The following NPHP4 variants were observed in gnomAD, a reference collection of about 807,000 sequenced individuals.
NPHP4 encodes the protein nephrocystin-4.
NPHP4 carries 151 observed loss-of-function variants against 155.8 expected under a neutral mutation model. The ratio of observed to expected loss-of-function variants is 0.97; its 90% CI spans 0.85 to 1.11. The LOEUF (loss-of-function observed/expected upper bound fraction) is 1.11. Ranked by LOEUF, NPHP4 falls within the 50% of genes least tolerant of loss-of-function variation. The pLI is 0.00. For missense variants in NPHP4, 1,956 were observed against 1,925.7 expected (o/e 1.02, Z -0.29); for synonymous variants, 845 against 816.8 (o/e 1.03, Z -0.59).
Position 5,945,909 on chromosome 1 carries a change from C to CA in NPHP4, c.1119+1194_1119+1195insT, listed in dbSNP as rs926604362. Among the ~76,000 whole-genome samples, 7 of 152,138 alleles carry CA rather than the reference C, an allele frequency of 4.6e-5. No individual in the cohort carries two copies. The East Asian group carries it at 1.2e-3, about 25-fold the overall frequency. ...GTGATTAGATCTGGCATTGTCCCCC[C>CA]CCAGGGCGTGAATCATCCCTCCGTC... is the stretch of plus-strand genomic sequence containing the variant. On this transcript the variant is annotated intron_variant, in intron 9 of 29. Transcript: ENST00000378156.
At chr1:5,969,700 C>T (rs181017065) in intron 3 of NPHP4, among the ~76,000 whole-genome samples, 6 of 152,348 alleles carry the variant, frequency 3.9e-5, no homozygotes, top group Non-Finnish European at 5.9e-5. Flanking sequence ...TAAAAAGACA[C>T]GCACGTGCTG....
intron 2 of NPHP4, among the ~76,000 whole-genome samples, chr1:5,982,442 CG>C (rs1221280814): frequency 6.6e-6 from 1 of 152,176 alleles, no homozygotes; most frequent in Non-Finnish European, 1.5e-5. Context: ...TCTAGGTTTA[CG>C]TAAGTACATC....
rs143353855 is a variant in NPHP4, at chr1:5,890,009, ACCC to A, written c.2304+856_2304+858del. ...GAAGAGCAGCTGGAAAAACTCCCAT[ACCC>A]CATCCCCCCACCCCGAGAGCACAGC... On this transcript the variant is annotated intron_variant, in intron 17 of 29. Transcript: ENST00000378156. This position sits in a 1 kb window ranked among gnomAD's most constrained non-coding sequence, Gnocchi z 4.9. Among the ~76,000 whole-genome samples, 533 of 151,800 alleles carry A rather than the reference ACCC, an allele frequency of 3.5e-3. 3 individuals are homozygous for A. The highest frequency in any genetic ancestry group is 0.011 in the African/African-American group (446 of 41,358).
At chr1:5,870,944 T>G (rs1372564352) in intron 23 of NPHP4, among the ~76,000 whole-genome samples, 1 of 152,212 alleles carries the variant, frequency 6.6e-6, no homozygotes, top group African/African-American at 2.4e-5. Flanking sequence ...CTGGGACATT[T>G]GTGAATGTGA....
At chr1:5,936,549 T>C (rs1473297833) in intron 9 of NPHP4, among the ~76,000 whole-genome samples, 1 of 151,226 alleles carries the variant, frequency 6.6e-6, no homozygotes, top group Non-Finnish European at 1.5e-5. Flanking sequence ...ATACACCGAA[T>C]TGCTCCCATT....
intron 19 of NPHP4, among the ~76,000 whole-genome samples, chr1:5,878,520 TAC>T (rs1452717072): frequency 6.6e-6 from 1 of 152,164 alleles, no homozygotes; most frequent in Non-Finnish European, 1.5e-5. Context: ...GAAAGAAAGT[TAC>T]AGAGTGACCG....
intron 9 of NPHP4, among the ~76,000 whole-genome samples, chr1:5,934,273 G>A (rs1646423461): frequency 6.6e-6 from 1 of 152,130 alleles, no homozygotes; most frequent in Non-Finnish European, 1.5e-5. Flanking sequence ...TGGGGTACAG[G>A]CAACAGCGGG....
At chr1:5,947,081 G>A (rs202005525) in intron 9 of NPHP4, 23 bp downstream of exon 9, 9 of 1,613,552 alleles carry the variant, frequency 5.6e-6, no homozygotes, top group African/African-American at 2.7e-5. Flanking sequence ...AGAGGAAACC[G>A]AGTGCAAAAG....
chr1:5,868,532 A>C (rs770954335), intron 23 of NPHP4, among the ~76,000 whole-genome samples: 2 of 151,996 alleles, frequency 1.3e-5, no homozygotes, highest in African/African-American at 2.4e-5. Context: ...ACACGCACCC[A>C]CACACACGCA....
Position 5,863,901 on chromosome 1 carries a change from C to A in NPHP4, c.4129G>T (p.Asp1377Tyr). 1 of 1,613,884 alleles carries A rather than the reference C, an allele frequency of 6.2e-7. No individual in the cohort carries two copies. Among genetic ancestry groups the A allele is most frequent in the Non-Finnish European group, 8.5e-7 (1 of 1,179,858 alleles). The change falls in exon 29 of 30, where the codon GAC becomes TAC. Residue 1377 changes from aspartate (D) to tyrosine (Y), a missense_variant. Physicochemically the swap from Asp to Tyr is radical, Grantham distance 160. Coordinates refer to ENST00000378156, the MANE Select transcript of NPHP4 (RefSeq NM_015102.5). ...CAGCCCCACCACACCTGGAAGGAGT[C>A]CTCTCTGAACCGCAGCAGCTCCGGG... Reference protein sequence around the residue: ...DHPELLRFREDSFQVGGGETY... With the variant: ...DHPELLRFREYSFQVGGGETY...
intron 11 of NPHP4, among the ~76,000 whole-genome samples, chr1:5,926,089 T>C (rs980458626): frequency 3.3e-5 from 5 of 152,150 alleles, no homozygotes; most frequent in Non-Finnish European, 5.9e-5. Flanking sequence ...CAAGGGATTC[T>C]AGTACAAGGG....
Position 5,867,627 on chromosome 1 carries a change from C to T in NPHP4, c.3472+113G>A, listed in dbSNP as rs945299202. On this transcript the variant is annotated intron_variant, in intron 24 of 29. Transcript: ENST00000378156. The surrounding 1 kb of genome is among the most constrained non-coding windows in gnomAD (Gnocchi z 4.1). ...AGAATTCCCCAGGCCCCACGTGCTG[C>T]TCTGACAGCACCAGGGCATGAAGCC... 8.8e-6 allele frequency: 10 copies of T among 1,138,388 alleles called. No homozygotes were observed. In the African/African-American group the frequency reaches 1.4e-4, roughly 16 times the overall value. The allele number at this position is 1,138,388 out of a possible 1,614,324, so 70.5% of individuals were successfully genotyped here. A position where few individuals can be genotyped will look rare whatever the true frequency, so the allele number is the denominator to read the frequency against.
At chr1:5,887,847 C>T (rs1643902245) in intron 17 of NPHP4, among the ~76,000 whole-genome samples, 1 of 152,198 alleles carries the variant, frequency 6.6e-6, no homozygotes, top group Non-Finnish European at 1.5e-5. Flanking sequence ...GACTCTTAGC[C>T]AAGCGTGTCT....
rs1195440031 is a variant in NPHP4 at position 5,944,301 on chromosome 1, G to T, written c.1119+2803C>A. Among the ~76,000 whole-genome samples the T allele has an allele frequency of 6.6e-6, 1 of 152,194 alleles. No homozygotes were observed. Among genetic ancestry groups the T allele is most frequent in the Non-Finnish European group, 1.5e-5 (1 of 68,036 alleles). ...CAGCCGGAAGGCACAACCACACCCA[G>T]CTGAAAAAATCCCCACCCAGCTGAA... On this transcript the variant is annotated intron_variant, in intron 9 of 29. Transcript: ENST00000378156. The surrounding 1 kb of genome is among the most constrained non-coding windows in gnomAD (Gnocchi z 4.3).
chr1:5,938,565 C>A (rs1646665974), intron 9 of NPHP4, among the ~76,000 whole-genome samples: 1 of 152,232 alleles, frequency 6.6e-6, no homozygotes, highest in Non-Finnish European at 1.5e-5. Flanking sequence ...GGAAAGGAAT[C>A]CTAACCACAG....
Position 5,867,329 on chromosome 1 carries a change from G to A in NPHP4, c.3473-214C>T, listed in dbSNP as rs538109780. 47 of 568,130 alleles carry A rather than the reference G, an allele frequency of 8.3e-5. No individual in the cohort carries two copies. Among genetic ancestry groups the A allele is most frequent in the African/African-American group, 7.3e-4 (39 of 53,522 alleles). 35.2% of individuals were successfully genotyped at this position (568,130 alleles called of 1,614,324 possible). ...CCGCCCATCCAGCCCACTGCGGCTC[G>A]GCTGCAGCCATCTCCACAGGGAATA... On this transcript the variant is annotated intron_variant, in intron 24 of 29. Transcript: ENST00000378156. This position sits in a 1 kb window ranked among gnomAD's most constrained non-coding sequence, Gnocchi z 4.1.
chr1:5,963,678 C>T (rs1290396058), intron 5 of NPHP4, among the ~76,000 whole-genome samples: 1 of 138,820 alleles, frequency 7.2e-6, no homozygotes, highest in East Asian at 2.2e-4. Flanking sequence ...GGGTTTCCAA[C>T]CTTTTCTTTT....
In NPHP4 at chr1:5,874,636, C is replaced by T. The variant is rs766557432; in HGVS notation, c.3066G>A (p.Glu1022=). 4.3e-6 allele frequency: 7 copies of T among 1,612,158 alleles called. No homozygotes were observed. The South Asian group carries it at 6.6e-5, about 15-fold the overall frequency. Residue 1022 remains glutamate, a synonymous_variant, in exon 22 of 30, where the codon GAG becomes GAA. Coordinates refer to ENST00000378156, the MANE Select transcript of NPHP4 (RefSeq NM_015102.5). ...PELSVIVDSQ[E]WRDFKGAAGL... ...CAGCAGCACCCTTGAAGTCCCTCCA[C>T]TCCTGACTGTCCACGATGACGCTGG...
chr1:5,863,373 C>A lies in NPHP4; in HGVS notation c.4173G>T (p.Leu1391Phe). 1 of 1,614,022 alleles carries A rather than the reference C, an allele frequency of 6.2e-7. No homozygotes were observed. Among genetic ancestry groups the A allele is most frequent in the African/African-American group, 1.3e-5 (1 of 75,060 alleles). The change falls in exon 30 of 30, where the codon TTG (leucine) becomes TTT (phenylalanine). Residue 1391 changes from leucine to phenylalanine, a missense_variant. Physicochemically the swap from Leu to Phe is conservative, Grantham distance 22. Coordinates refer to ENST00000378156, the MANE Select transcript of NPHP4 (RefSeq NM_015102.5). Reference sequence around the variant, plus strand: ...CCACTCTCTGACTAGGCGCAAACTGCAAGCCGATGGTGTAGGTCTCTCCAC... The same window carrying A: ...CCACTCTCTGACTAGGCGCAAACTGAAAGCCGATGGTGTAGGTCTCTCCAC... ...VGGGETYTIG[L>F]QFAPSQRVGE...
Sources: allele counts gnomAD v4.1 joint callset (sites outside exome capture counted in the v4.1 genomes callset), GRCh38; gene constraint gnomAD v4.1.1; non-coding constraint Gnocchi (gnomAD v3.1); transcripts MANE v1.5; gene names NCBI Gene and HGNC (gene_info 2026-07-23, HGNC 2026-07-21).